DZIP1: variants seen among roughly 807,000 people sequenced by gnomAD.
DZIP1 encodes the protein DAZ interacting zinc finger protein 1.
In DZIP1, 97 loss-of-function variants were observed where a neutral mutation model predicts 107.6. The ratio of observed to expected loss-of-function variants is 0.90; its 90% CI spans 0.77 to 1.07. DZIP1 has a LOEUF of 1.07. Ranked by LOEUF, DZIP1 falls within the 50% of genes least tolerant of loss-of-function variation. DZIP1 has a pLI of 0.00. For missense variants in DZIP1, 1,035 were observed against 1,063.6 expected (o/e 0.97, Z 0.37); for synonymous variants, 390 against 386.4 (o/e 1.01, Z -0.11).
At chr13:95,613,267 C>A (rs2139145234) in intron 10 of DZIP1, among the ~76,000 whole-genome samples, 1 of 152,240 alleles carries the variant, frequency 6.6e-6, no homozygotes, top group South Asian at 2.1e-4. Flanking sequence ...AATCCCAGCA[C>A]TTTGGGAGGC....
intron 19 of DZIP1, among the ~76,000 whole-genome samples, chr13:95,588,791 A>G (rs1341591541): frequency 6.6e-6 from 1 of 152,236 alleles, no homozygotes; most frequent in East Asian, 1.9e-4. Context: ...GAAACACTAA[A>G]TTATTACATT....
chr13:95,607,020 C>G (rs1306145257), intron 13 of DZIP1, among the ~76,000 whole-genome samples: 2 of 151,412 alleles, frequency 1.3e-5, no homozygotes, highest in African/African-American at 4.9e-5. Context: ...CTAAAAAATA[C>G]TGGCCACAAA....
intron 10 of DZIP1, among the ~76,000 whole-genome samples, chr13:95,615,822 C>T (rs985139954): frequency 1.3e-5 from 2 of 152,176 alleles, no homozygotes; most frequent in Non-Finnish European, 2.9e-5. Flanking sequence ...CTGTCTAAGC[C>T]CCTGTGTCCT....
In DZIP1 at chr13:95,608,696, G is replaced by A. The variant is rs563864317; in HGVS notation, c.1420+761C>T. Among the ~76,000 whole-genome samples the A allele has an allele frequency of 4.6e-5, 7 of 152,244 alleles. 1 individual carries two copies. The South Asian group carries it at 1.2e-3, about 27-fold the overall frequency. On this transcript the variant is annotated intron_variant, in intron 13 of 22. Transcript: ENST00000376829. ...TTCAGCTTCAAGAAGCCTCCAAGAA[G>A]ACTGAGAGGTTAAAACCATCAGCAT...
intron 6 of DZIP1, 35 bp from the exon 7 acceptor site, chr13:95,630,148 T>C (rs1877024753): frequency 4.4e-6 from 7 of 1,592,872 alleles, no homozygotes; most frequent in Middle Eastern, 1.7e-4. Flanking sequence ...AAACACCATC[T>C]CTTACCAAAT....
chr13:95,633,422 C>G (rs1027924979), intron 5 of DZIP1, 101 bp from the exon 6 acceptor site: 16 of 968,082 alleles, frequency 1.7e-5, no homozygotes, highest in African/African-American at 3.3e-5. Flanking sequence ...GTGGCTCACG[C>G]CTGTAATCCC....
chr13:95,602,474 T>C (rs1033789928), intron 14 of DZIP1, among the ~76,000 whole-genome samples: 1 of 152,198 alleles, frequency 6.6e-6, no homozygotes, highest in African/African-American at 2.4e-5. Context: ...GTAAGTTCCG[T>C]GGGGACAGGC....
chr13:95,630,787 G>T, intron 6 of DZIP1: 1 of 1,275,594 alleles, frequency 7.8e-7, no homozygotes, highest in South Asian at 1.2e-5. Flanking sequence ...GGAAACCAAA[G>T]TAGAAAGTCA....
chr13:95,585,866 T>C, intron 21 of DZIP1, 140 bp downstream of exon 21: 1 of 791,758 alleles, frequency 1.3e-6, no homozygotes, highest in Non-Finnish European at 1.9e-6. Flanking sequence ...AATGCAATAC[T>C]GAGAACAAGA....
chr13:95,593,827 C>T (rs1489053089), intron 16 of DZIP1, 117 bp downstream of exon 16: 30 of 1,276,684 alleles, frequency 2.3e-5, no homozygotes, highest in Non-Finnish European at 2.9e-5. Context: ...TCACATTAGC[C>T]TCTGTTCTCC....
chr13:95,609,146 G>T (rs1015408736), intron 13 of DZIP1, among the ~76,000 whole-genome samples: 3 of 138,514 alleles, frequency 2.2e-5, no homozygotes, highest in Non-Finnish European at 4.7e-5. Flanking sequence ...TCACACAGTC[G>T]CATAGTGTAT....
Position 95,622,486 on chromosome 13 carries a change from A to C in DZIP1, c.973-6T>G, listed in dbSNP as rs1481368340. ...TTCTGGATTTCTGACAGTTGCTATA[A>C]GATAAAATTCAAGCTCAGTACTACA... On this transcript the variant is annotated splice_region_variant and splice_polypyrimidine_tract_variant and intron_variant, in intron 8 of 22. Transcript: ENST00000376829. The C allele has an allele frequency of 6.2e-7, 1 of 1,614,004 alleles. No homozygotes were observed. The highest frequency in any genetic ancestry group is 8.5e-7 in the Non-Finnish European group (1 of 1,180,020).
intron 7 of DZIP1, among the ~76,000 whole-genome samples, chr13:95,628,366 T>G (rs745843610): frequency 2.6e-4 from 39 of 152,178 alleles, no homozygotes; most frequent in Non-Finnish European, 5.4e-4. Flanking sequence ...TTAAAAGATA[T>G]ATACTGAATA....
chr13:95,628,407 G>T lies in DZIP1; in HGVS notation c.810+1582C>A, dbSNP rs564288455. ...ATTCATAGACATAAAAAGATTCGTG[G>T]TTACCAGGAGATGAGGGTAGTAGGA... On this transcript the variant is annotated intron_variant, in intron 7 of 22. Transcript: ENST00000376829. 3.3e-5 allele frequency among the ~76,000 whole-genome samples: 5 copies of T among 152,128 alleles called. No individual in the cohort carries two copies. In the South Asian group the frequency reaches 1.0e-3, roughly 32 times the overall value.
chr13:95,627,043 A>G lies in DZIP1; in HGVS notation c.811-2114T>C, dbSNP rs749178483. 3.5e-4 allele frequency among the ~76,000 whole-genome samples: 54 copies of G among 152,232 alleles called. 1 individual carries two copies. Among genetic ancestry groups the G allele is most frequent in the Non-Finnish European group, 6.0e-4 (41 of 68,038 alleles). ...TCATATGCAACTGTAAGAGGCCACA[A>G]ATAACCAAAACAATATTGAAAAAGA... is the stretch of plus-strand genomic sequence containing the variant. On this transcript the variant is annotated intron_variant, in intron 7 of 22. Coordinates refer to ENST00000376829, the MANE Select transcript of DZIP1 (RefSeq NM_198968.4).
At chr13:95,637,899 T>C (rs1878011432) in intron 5 of DZIP1, among the ~76,000 whole-genome samples, 1 of 152,148 alleles carries the variant, frequency 6.6e-6, no homozygotes, top group Non-Finnish European at 1.5e-5. Context: ...TTAAAAACAC[T>C]GTCTTATGAA....
intron 12 of DZIP1, 79 bp downstream of exon 12, chr13:95,611,366 T>C: frequency 9.2e-7 from 1 of 1,083,630 alleles, no homozygotes; most frequent in South Asian, 1.3e-5. Context: ...CATAAACAAG[T>C]GGGGCCCACA....
chr13:95,587,856 T>C (rs2138789568), intron 19 of DZIP1, 127 bp from the exon 20 acceptor site: 1 of 1,210,976 alleles, frequency 8.3e-7, no homozygotes, highest in South Asian at 1.6e-5. Context: ...ACAAGTGCCT[T>C]TGGGGCTATG....
intron 15 of DZIP1, among the ~76,000 whole-genome samples, chr13:95,597,962 A>C (rs756436915): frequency 6.6e-6 from 1 of 152,094 alleles, no homozygotes; most frequent in Non-Finnish European, 1.5e-5. Flanking sequence ...GGTGGTCTTT[A>C]AGGTGCTGGA....
Sources: allele counts gnomAD v4.1 joint callset (sites outside exome capture counted in the v4.1 genomes callset), GRCh38; gene constraint gnomAD v4.1.1; transcripts MANE v1.5; gene names NCBI Gene and HGNC (gene_info 2026-07-23, HGNC 2026-07-21).